CDH13: variants seen among roughly 807,000 people sequenced by gnomAD.
CDH13 encodes cadherin 13.
A neutral mutation model predicts 63.8 loss-of-function variants in CDH13; 24 were observed. The observed-to-expected ratio is 0.38, with a 90% confidence interval of 0.27 to 0.53. The LOEUF (loss-of-function observed/expected upper bound fraction) is 0.53, where lower values mean the gene tolerates loss of function less well. CDH13 is among the 20% of genes least tolerant of loss of function. The probability of loss-of-function intolerance (pLI) is 0.85; values close to 1 mark genes in which losing one functional copy is unlikely to be tolerated. For missense variants in CDH13, 1,049 were observed against 903.1 expected (o/e 1.16, Z -2.07); for synonymous variants, 503 against 355.3 (o/e 1.42, Z -4.67).
intron 4 of CDH13, among the ~76,000 whole-genome samples, chr16:83,141,471 C>G (rs143627491): frequency 4.6e-5 from 7 of 152,316 alleles, no homozygotes; most frequent in African/African-American, 7.2e-5. Flanking sequence ...TTTCATTTCT[C>G]TTCGCAGTGT....
At chr16:83,598,084 G>C (rs1907442397) in intron 7 of CDH13, among the ~76,000 whole-genome samples, 1 of 152,172 alleles carries the variant, frequency 6.6e-6, no homozygotes, top group Non-Finnish European at 1.5e-5. Flanking sequence ...GAAAGAATTA[G>C]ACCAGGTGCA....
intron 8 of CDH13, among the ~76,000 whole-genome samples, chr16:83,605,121 G>A (rs995513405): frequency 6.6e-6 from 1 of 152,214 alleles, no homozygotes; most frequent in Non-Finnish European, 1.5e-5. Context: ...GTATCTGCCT[G>A]TAAATACCAG....
At chr16:83,206,299 A>T (rs970126860) in intron 4 of CDH13, among the ~76,000 whole-genome samples, 1 of 152,186 alleles carries the variant, frequency 6.6e-6, no homozygotes, top group Non-Finnish European at 1.5e-5. Context: ...TTCCCTCTGC[A>T]CCATCTCATG....
At chr16:82,878,844 G>A (rs2040595469) in intron 2 of CDH13, among the ~76,000 whole-genome samples, 1 of 151,976 alleles carries the variant, frequency 6.6e-6, no homozygotes, top group Admixed American at 6.6e-5. Context: ...TAACATTGAG[G>A]CATTGAAAGA....
rs201982271 is a variant in CDH13 at position 83,142,170 on chromosome 16, T to TG, written c.483+16669_483+16670insG. ...TGTTTGTTTGTTTTTGTTTTTTTTT[T>TG]TTTTTTTTTGAAATGGAGTCTCATC... On this transcript the variant is annotated intron_variant, in intron 4 of 13. Coordinates refer to ENST00000567109, the MANE Select transcript of CDH13 (RefSeq NM_001257.5). Among the ~76,000 whole-genome samples the TG allele has an allele frequency of 6.2e-3, 924 of 150,146 alleles. 10 individuals are homozygous for TG. Among genetic ancestry groups the TG allele is most frequent in the African/African-American group, 0.022 (882 of 40,770 alleles).
chr16:83,242,470 A>T lies in CDH13; in HGVS notation c.636+24973A>T, dbSNP rs764594420. ...CCAAATTGTCTGAGTTGCAGCCAAT[A>T]TAAACATAGGCCAAGTTTTTCTAAA... On this transcript the variant is annotated intron_variant, in intron 5 of 13. Coordinates refer to ENST00000567109, the MANE Select transcript of CDH13 (RefSeq NM_001257.5). Among the ~76,000 whole-genome samples the T allele has an allele frequency of 7.2e-5, 11 of 152,232 alleles. 1 individual carries two copies. Among genetic ancestry groups the T allele is most frequent in the Admixed American group, 5.9e-4 (9 of 15,280 alleles).
chr16:83,115,663 C>T (rs978200098), intron 3 of CDH13, among the ~76,000 whole-genome samples: 3 of 152,220 alleles, frequency 2.0e-5, no homozygotes, highest in African/African-American at 2.4e-5. Flanking sequence ...CACTGTTCTC[C>T]CTTAATTCCC....
chr16:83,668,966 T>G (rs1294155346), intron 8 of CDH13, among the ~76,000 whole-genome samples: 1 of 152,174 alleles, frequency 6.6e-6, no homozygotes, highest in Non-Finnish European at 1.5e-5. Flanking sequence ...GTCATGTCAT[T>G]GACACCTGCC....
At chr16:82,983,595 A>G (rs1285009377) in intron 2 of CDH13, among the ~76,000 whole-genome samples, 1 of 152,192 alleles carries the variant, frequency 6.6e-6, no homozygotes, top group Non-Finnish European at 1.5e-5. Context: ...TGTTTTAGAA[A>G]CAACAGAGGA....
chr16:83,094,688 C>T (rs1025427726), intron 3 of CDH13, among the ~76,000 whole-genome samples: 1 of 152,184 alleles, frequency 6.6e-6, no homozygotes, highest in Non-Finnish European at 1.5e-5. Context: ...AGCAGCAAAT[C>T]CCATCGTCCT....
At chr16:83,171,446 C>T (rs2037911771) in intron 4 of CDH13, 2 of 1,247,218 alleles carry the variant, frequency 1.6e-6, no homozygotes, top group South Asian at 1.3e-5. Flanking sequence ...CAGATCCAAA[C>T]CATATCAAAA....
chr16:82,756,126 A>G (rs1055052151), intron 1 of CDH13, among the ~76,000 whole-genome samples: 2 of 152,196 alleles, frequency 1.3e-5, no homozygotes, highest in African/African-American at 4.8e-5. Context: ...TCATGGAAAG[A>G]TTTTTGAGGA....
At chr16:83,703,247 G>C (rs769521483) in intron 10 of CDH13, among the ~76,000 whole-genome samples, 1 of 152,122 alleles carries the variant, frequency 6.6e-6, no homozygotes, top group Non-Finnish European at 1.5e-5. Context: ...TTCCATACCC[G>C]TAATTTCATT....
intron 6 of CDH13, among the ~76,000 whole-genome samples, chr16:83,477,579 C>G (rs1277136908): frequency 6.6e-6 from 1 of 152,086 alleles, no homozygotes; most frequent in African/African-American, 2.4e-5. Flanking sequence ...TCTCTCTGAG[C>G]CAGATCATTC....
At chr16:83,670,377 G>T (rs1444269019) in intron 8 of CDH13, among the ~76,000 whole-genome samples, 1 of 150,464 alleles carries the variant, frequency 6.6e-6, no homozygotes, top group African/African-American at 2.5e-5. Context: ...GGTGTTCTTG[G>T]CCACCAGGTT....
At position 83,394,872 on chromosome 16, in the gene CDH13, G is replaced by A. The variant is rs151186567; in HGVS notation, c.781+49866G>A. On this transcript the variant is annotated intron_variant, in intron 6 of 13. Transcript: ENST00000567109. ...GAAAGAAAAGTCAAGGAAGGGCCAG[G>A]CACAGTGGCTCATGCCTGTAATCCC... Among the ~76,000 whole-genome samples, 135 of 152,214 alleles carry A rather than the reference G, an allele frequency of 8.9e-4. 2 individuals carry two copies. The East Asian group carries it at 0.024, about 27-fold the overall frequency.
At chr16:83,012,670 A>G (rs1257937767) in intron 2 of CDH13, among the ~76,000 whole-genome samples, 2 of 152,182 alleles carry the variant, frequency 1.3e-5, no homozygotes, top group African/African-American at 4.8e-5. Flanking sequence ...TGATCTAAGC[A>G]TGATTCCCAG....
intron 5 of CDH13, among the ~76,000 whole-genome samples, chr16:83,309,944 G>A (rs190469179): frequency 1.3e-5 from 2 of 152,228 alleles, no homozygotes; most frequent in Admixed American, 1.3e-4. Flanking sequence ...TCAGCATAAA[G>A]GAATAGCAAA....
At chr16:83,519,135 G>C (rs80209265) in intron 7 of CDH13, among the ~76,000 whole-genome samples, 1 of 152,170 alleles carries the variant, frequency 6.6e-6, no homozygotes, top group South Asian at 2.1e-4. Context: ...ATAGGGACTG[G>C]GACACACTGG....
Sources: gnomAD v4.1 joint callset for allele counts (sites outside exome capture counted in the v4.1 genomes callset) on GRCh38, gnomAD v4.1.1 for gene constraint, MANE v1.5 for transcripts, NCBI Gene and HGNC (gene_info 2026-07-23, HGNC 2026-07-21) for gene names.